PARP12: variants seen among roughly 807,000 people sequenced by gnomAD.
The protein encoded by PARP12 is protein mono-ADP-ribosyltransferase PARP12.
A neutral mutation model predicts 72.4 loss-of-function variants in PARP12; 59 were observed. That is an observed-to-expected ratio of 0.81 (90% CI 0.66 to 1.01). The LOEUF (loss-of-function observed/expected upper bound fraction) is 1.01. Among genes scored for constraint, PARP12 ranks in the 50% least tolerant of loss-of-function variants. PARP12 has a pLI of 0.00. For missense variants in PARP12, 851 were observed against 914.0 expected (o/e 0.93, Z 0.89); for synonymous variants, 403 against 371.4 (o/e 1.09, Z -0.98).
chr7:140,058,834 G>A (rs1019542076), intron 1 of PARP12, among the ~76,000 whole-genome samples: 2 of 152,112 alleles, frequency 1.3e-5, no homozygotes, highest in South Asian at 4.1e-4. Context: ...GGTGGCTCAC[G>A]CCTATAATCC....
chr7:140,038,153 C>T (rs979872863), intron 6 of PARP12: 12 of 985,410 alleles, frequency 1.2e-5, no homozygotes, highest in Non-Finnish European at 1.1e-5. Context: ...ACAGAGGACA[C>T]GGCAGCCATT....
intron 4 of PARP12, among the ~76,000 whole-genome samples, chr7:140,051,828 G>C (rs1262704000): frequency 1.3e-5 from 2 of 152,212 alleles, no homozygotes; most frequent in Non-Finnish European, 2.9e-5. Context: ...GCAGCCTTGT[G>C]GTGGTGGAGA....
At chr7:140,056,351 T>C (rs754551082) in intron 3 of PARP12, among the ~76,000 whole-genome samples, 2 of 152,166 alleles carry the variant, frequency 1.3e-5, no homozygotes, top group Non-Finnish European at 2.9e-5. Flanking sequence ...ACAAAGCAAA[T>C]TTACAATGGC....
intron 5 of PARP12, among the ~76,000 whole-genome samples, chr7:140,046,673 T>C (rs370720159): frequency 8.6e-5 from 13 of 151,814 alleles, no homozygotes; most frequent in East Asian, 7.7e-4. Flanking sequence ...GTATGAACGC[T>C]GACTTTCGAT....
intron 11 of PARP12, chr7:140,025,297 G>A (rs1319494081): frequency 1.7e-5 from 5 of 291,700 alleles, no homozygotes; most frequent in Non-Finnish European, 3.4e-5. Flanking sequence ...TGTAGACTCT[G>A]GCAGCCCAAT....
intron 6 of PARP12, chr7:140,038,180 A>G (rs1324943688): frequency 3.0e-6 from 3 of 985,352 alleles, no homozygotes; most frequent in Non-Finnish European, 3.6e-6. Context: ...CCGGCAGAAC[A>G]GCAACAGCGA....
Position 140,024,518 on chromosome 7 carries a change from TCAAGGCAGA to T in PARP12, c.*33_*41del. The stretch of plus-strand genomic sequence containing the variant: ...AAAAGGAAAGGCCCAAATAGCCATT[TCAAGGCAGA>T]GCAGGTGAAAGGCCTGGAACACTCC... On this transcript the variant is annotated 3_prime_UTR_variant, in exon 12 of 12. Coordinates refer to ENST00000263549, the MANE Select transcript of PARP12 (RefSeq NM_022750.4). 1.2e-6 allele frequency: 2 copies of T among 1,602,394 alleles called. No individual in the cohort carries two copies. The highest frequency in any genetic ancestry group is 8.5e-7 in the Non-Finnish European group (1 of 1,170,354).
At chr7:140,044,640 TAAG>T in intron 5 of PARP12, among the ~76,000 whole-genome samples, 1 of 152,272 alleles carries the variant, frequency 6.6e-6, no homozygotes, top group South Asian at 2.1e-4. Context: ...ACAGCAGCCC[TAAG>T]AAGTGAACTA....
intron 6 of PARP12, 181 bp downstream of exon 6, chr7:140,041,463 C>T: frequency 1.8e-6 from 1 of 542,392 alleles, no homozygotes; most frequent in Non-Finnish European, 3.2e-6. Context: ...AAAGCTCATA[C>T]AAATAAATTC....
At position 140,046,925 on chromosome 7, in the gene PARP12, C is replaced by T. The variant is rs1328593067; in HGVS notation, c.945G>A (p.Met315Ile). ...DRGKWEDLDNMELIEEAYCNP... is the reference protein window; with the variant it reads ...DRGKWEDLDNIELIEEAYCNP... The stretch of plus-strand genomic sequence containing the variant: ...TGCAATATGCCTCTTCAATAAGTTC[C>T]ATGTTGTCCAAATCCTCCCATTTGC... Residue 315 changes from methionine to isoleucine, a missense_variant, in exon 5 of 12, where the codon ATG (methionine) becomes ATA (isoleucine). Physicochemically the swap from Met to Ile is conservative, Grantham distance 10. Around this residue, in one of 3 missense-constraint regions of PARP12, gnomAD observed 492 missense variants for 489.3 expected, o/e 1.01. Transcript: ENST00000263549. 6.2e-7 allele frequency: 1 copy of T among 1,613,674 alleles called. No homozygotes were observed. The highest frequency in any genetic ancestry group is 1.3e-5 in the African/African-American group (1 of 74,850).
At chr7:140,048,881 G>T (rs766510754) in intron 4 of PARP12, among the ~76,000 whole-genome samples, 1 of 152,200 alleles carries the variant, frequency 6.6e-6, no homozygotes, top group Non-Finnish European at 1.5e-5. Flanking sequence ...TCAAAGAATG[G>T]ATAATTATGG....
rs1817212642 is a variant in PARP12 at position 140,057,020 on chromosome 7, T to C, written c.596A>G (p.His199Arg). ...CAGATTCTCAGAATTAGAGAAATCATGGGATCTCTTACAGCTAGTGCCAAA... is the reference window on the plus strand; with the variant it reads ...CAGATTCTCAGAATTAGAGAAATCACGGGATCTCTTACAGCTAGTGCCAAA... ...CKFGTSCKRS[H>R]DFSNSENLEK... The change falls in exon 3 of 12, where the codon CAT becomes CGT. Residue 199 changes from histidine to arginine, a missense_variant. By Grantham distance (29) the His-to-Arg change is conservative. Coordinates refer to ENST00000263549, the MANE Select transcript of PARP12 (RefSeq NM_022750.4). 2.5e-6 allele frequency: 4 copies of C among 1,614,216 alleles called. No individual in the cohort carries two copies. Among genetic ancestry groups the C allele is most frequent in the Non-Finnish European group, 3.4e-6 (4 of 1,180,036 alleles).
chr7:140,041,516 C>T (rs971042974), intron 6 of PARP12, 128 bp downstream of exon 6: 27 of 892,948 alleles, frequency 3.0e-5, no homozygotes, highest in Non-Finnish European at 3.7e-5. Context: ...AGCAAGTGAG[C>T]CACACTGGCA....
At chr7:140,041,610 G>C in intron 6 of PARP12, 34 bp downstream of exon 6, 1 of 1,592,990 alleles carries the variant, frequency 6.3e-7, no homozygotes, top group Non-Finnish European at 8.6e-7. Context: ...AGATCCTCAG[G>C]ACAAAACATT....
At position 140,028,676 on chromosome 7, in the gene PARP12, A is replaced by C. The variant is rs138182524; in HGVS notation, c.1434T>G (p.Phe478Leu). 1.8e-4 allele frequency: 289 copies of C among 1,603,096 alleles called. No individual in the cohort carries two copies. The highest frequency in any genetic ancestry group is 2.3e-4 in the Non-Finnish European group (266 of 1,174,374). Residue 478 changes from phenylalanine to leucine, a missense_variant, in exon 9 of 12, where the codon TTT (phenylalanine) becomes TTG (leucine). Transcript: ENST00000263549. ...VTTMQTCNTK[F>L]PGPKSIPDYW... is the part of the protein sequence containing the mutation. ...AGTCTGGGATGCTCTTCGGGCCTGGAAACTTGGTATTGCTACAAAAATGTA... is the reference window on the plus strand; with the variant it reads ...AGTCTGGGATGCTCTTCGGGCCTGGCAACTTGGTATTGCTACAAAAATGTA...
At chr7:140,057,815 C>G (rs926878620) in intron 2 of PARP12, 84 bp downstream of exon 2, 5 of 1,554,888 alleles carry the variant, frequency 3.2e-6, no homozygotes, top group Non-Finnish European at 4.4e-6. Context: ...AGGGCCCACC[C>G]ATTCCACTCC....
Position 140,035,950 on chromosome 7 carries a change from G to C in PARP12, c.1325-1619C>G, listed in dbSNP as rs865835449. Among the ~76,000 whole-genome samples the C allele has an allele frequency of 2.4e-4, 22 of 90,928 alleles. 1 individual carries two copies. Among genetic ancestry groups the C allele is most frequent in the African/African-American group, 7.1e-4 (9 of 12,672 alleles). The allele number at this position is 90,928 out of a possible 152,430, so 59.7% of individuals were successfully genotyped here. A position where few individuals can be genotyped will look rare whatever the true frequency, so the allele number is the denominator to read the frequency against. On this transcript the variant is annotated intron_variant, in intron 7 of 11. Transcript: ENST00000263549. ...ACAAGGAGGAGGAGGAGGAGGAGGA[G>C]GACGAGGAGGAGGAGGAGGACGAGG...
intron 10 of PARP12, 106 bp downstream of exon 10, chr7:140,027,170 C>T (rs1815769197): frequency 6.2e-6 from 9 of 1,461,114 alleles, no homozygotes; most frequent in Non-Finnish European, 8.4e-6. Flanking sequence ...CATGGCAGCC[C>T]TAACTGCCGC....
At chr7:140,033,192 G>A (rs930220296) in intron 8 of PARP12, 10 of 985,030 alleles carry the variant, frequency 1.0e-5, no homozygotes, top group African/African-American at 3.5e-5. Context: ...TGCACCCAGC[G>A]CAAAAATAAA....
Sources: allele counts gnomAD v4.1 joint callset (sites outside exome capture counted in the v4.1 genomes callset), GRCh38; gene constraint gnomAD v4.1.1; regional missense constraint gnomAD v4.1.1; transcripts MANE v1.5; gene names NCBI Gene and HGNC (gene_info 2026-07-23, HGNC 2026-07-21).